Variants in NAALADL2 observed in about 807,000 individuals in gnomAD.
The protein encoded by NAALADL2 is inactive N-acetylated-alpha-linked acidic dipeptidase-like protein 2.
NAALADL2 carries 76 observed loss-of-function variants against 87.2 expected under a neutral mutation model. The ratio of observed to expected loss-of-function variants is 0.87; its 90% CI spans 0.72 to 1.05. NAALADL2 has a LOEUF of 1.05. Ranked by LOEUF, NAALADL2 falls within the 50% of genes least tolerant of loss-of-function variation. NAALADL2 has a pLI of 0.00. For missense variants in NAALADL2, 1,089 were observed against 945.8 expected (o/e 1.15, Z -1.99); for synonymous variants, 354 against 331.0 (o/e 1.07, Z -0.75).
intron 2 of NAALADL2, among the ~76,000 whole-genome samples, chr3:174,645,791 A>C (rs1723718955): frequency 6.6e-6 from 1 of 152,202 alleles, no homozygotes; most frequent in Admixed American, 6.5e-5. Flanking sequence ...ATTCATGCAT[A>C]TATTGAAGAG....
At chr3:174,722,224 C>G (rs1731774517) in intron 2 of NAALADL2, among the ~76,000 whole-genome samples, 1 of 152,166 alleles carries the variant, frequency 6.6e-6, no homozygotes, top group Non-Finnish European at 1.5e-5. Flanking sequence ...TCATGTTTGT[C>G]CTTTTTCTCT....
At chr3:175,055,956 A>G (rs1422012770) in intron 1 of NAALADL2, among the ~76,000 whole-genome samples, 2 of 152,196 alleles carry the variant, frequency 1.3e-5, no homozygotes, top group East Asian at 1.9e-4. Context: ...AAATGTAGCT[A>G]TAATATTTCC....
intron 1 of NAALADL2, among the ~76,000 whole-genome samples, chr3:174,959,239 A>G (rs1405471538): frequency 6.6e-6 from 1 of 152,098 alleles, no homozygotes; most frequent in Non-Finnish European, 1.5e-5. Flanking sequence ...CTCAGCTGAC[A>G]TGATGTTACT....
intron 2 of NAALADL2, among the ~76,000 whole-genome samples, chr3:175,166,604 C>T (rs544531827): frequency 6.6e-6 from 1 of 151,964 alleles, no homozygotes; most frequent in East Asian, 1.9e-4. Flanking sequence ...TCTTCTTAGA[C>T]TTTGCTGACA....
intron 11 of NAALADL2, among the ~76,000 whole-genome samples, chr3:175,653,871 G>A (rs1731108553): frequency 6.6e-6 from 1 of 152,068 alleles, no homozygotes; most frequent in Non-Finnish European, 1.5e-5. Flanking sequence ...GTTGTGTTTG[G>A]GGTCAACAAC....
intron 11 of NAALADL2, among the ~76,000 whole-genome samples, chr3:175,677,141 G>T (rs1002283610): frequency 6.6e-6 from 1 of 152,030 alleles, no homozygotes; most frequent in African/African-American, 2.4e-5. Flanking sequence ...GAGGTGGGCA[G>T]ATCACGAGGT....
chr3:174,940,463 GA>G (rs1220638579), intron 1 of NAALADL2, among the ~76,000 whole-genome samples: 1 of 152,062 alleles, frequency 6.6e-6, no homozygotes, highest in African/African-American at 2.4e-5. Flanking sequence ...ATATTGGCCT[GA>G]AATTTTCTTT....
At chr3:174,746,878 C>T (rs1319434430) in intron 3 of NAALADL2, among the ~76,000 whole-genome samples, 1 of 152,008 alleles carries the variant, frequency 6.6e-6, no homozygotes, top group African/African-American at 2.4e-5. Flanking sequence ...TAGCCATATG[C>T]AGAAAAGAGA....
intron 2 of NAALADL2, among the ~76,000 whole-genome samples, chr3:174,588,340 G>A (rs1162685918): frequency 6.6e-6 from 1 of 152,110 alleles, no homozygotes; most frequent in African/African-American, 2.4e-5. Flanking sequence ...GGAGAAGTTT[G>A]TTATTACCGA....
chr3:174,785,311 G>C (rs919346690), intron 3 of NAALADL2, among the ~76,000 whole-genome samples: 1 of 152,070 alleles, frequency 6.6e-6, no homozygotes, highest in African/African-American at 2.4e-5. Flanking sequence ...ATAGCTAATA[G>C]CTCCCACTTA....
At chr3:175,061,180 G>A (rs1370453044) in intron 1 of NAALADL2, among the ~76,000 whole-genome samples, 1 of 152,076 alleles carries the variant, frequency 6.6e-6, no homozygotes, top group Non-Finnish European at 1.5e-5. Context: ...GTAGAAGAGG[G>A]CAACAACCTC....
At chr3:174,609,327 G>C (rs1296843411) in intron 2 of NAALADL2, among the ~76,000 whole-genome samples, 1 of 152,092 alleles carries the variant, frequency 6.6e-6, no homozygotes, top group African/African-American at 2.4e-5. Flanking sequence ...AATTACGCAG[G>C]AGAAGGAAAT....
At chr3:175,622,782 A>C (rs570897651) in intron 10 of NAALADL2, among the ~76,000 whole-genome samples, 1 of 152,154 alleles carries the variant, frequency 6.6e-6, no homozygotes, top group Non-Finnish European at 1.5e-5. Flanking sequence ...TAAAACTTAA[A>C]CCACAATGTG....
chr3:174,936,663 G>A (rs1737733862), intron 1 of NAALADL2, among the ~76,000 whole-genome samples: 1 of 152,062 alleles, frequency 6.6e-6, no homozygotes, highest in Non-Finnish European at 1.5e-5. Flanking sequence ...AGTAGTTTTT[G>A]CTTCTCTTTT....
At chr3:175,241,594 T>C (rs1746892405) in intron 3 of NAALADL2, among the ~76,000 whole-genome samples, 1 of 152,184 alleles carries the variant, frequency 6.6e-6, no homozygotes, top group South Asian at 2.1e-4. Flanking sequence ...GATATATATT[T>C]TCCCTGTATT....
chr3:174,807,785 A>G (rs1560243975), intron 3 of NAALADL2, among the ~76,000 whole-genome samples: 1 of 152,076 alleles, frequency 6.6e-6, no homozygotes, highest in Non-Finnish European at 1.5e-5. Flanking sequence ...GATACCTTGT[A>G]TTTAAAATAA....
intron 3 of NAALADL2, among the ~76,000 whole-genome samples, chr3:174,836,383 T>G (rs1723328128): frequency 6.6e-6 from 1 of 152,038 alleles, no homozygotes. Context: ...TTTCACAACA[T>G]GAAAATGTTC....
At chr3:174,714,562 A>T (rs1192078116) in intron 2 of NAALADL2, among the ~76,000 whole-genome samples, 1 of 152,130 alleles carries the variant, frequency 6.6e-6, no homozygotes, top group Non-Finnish European at 1.5e-5. Flanking sequence ...TCTTTGAAGC[A>T]GTTGTGAATG....
chr3:174,616,315 G>A (rs1720453847), intron 2 of NAALADL2, among the ~76,000 whole-genome samples: 1 of 151,870 alleles, frequency 6.6e-6, no homozygotes, highest in Non-Finnish European at 1.5e-5. Flanking sequence ...TAAATAGAAG[G>A]TACTAGAAGT....
Sources: gnomAD v4.1 joint callset for allele counts (sites outside exome capture counted in the v4.1 genomes callset) on GRCh38, gnomAD v4.1.1 for gene constraint, MANE v1.5 for transcripts, NCBI Gene and HGNC (gene_info 2026-07-23, HGNC 2026-07-21) for gene names.